The following DMD variants were observed in gnomAD, a reference collection of about 807,000 sequenced individuals.
DMD encodes the protein mutant dystrophin.
A neutral mutation model predicts 330.1 loss-of-function variants in DMD; 63 were observed. That is an observed-to-expected ratio of 0.19 (90% CI 0.16 to 0.24). The LOEUF (loss-of-function observed/expected upper bound fraction) is 0.24, where lower values mean the gene tolerates loss of function less well. Ranked by LOEUF, DMD falls within the 10% of genes least tolerant of loss-of-function variation. The pLI is 1.00. For missense variants in DMD, 3,344 were observed against 2,684.1 expected (o/e 1.25, Z -5.43); for synonymous variants, 1,223 against 959.8 (o/e 1.27, Z -5.07).
At chrX:31,284,364 C>G (rs759355443) in intron 62 of DMD, among the ~76,000 whole-genome samples, 5 of 111,051 alleles carry the variant, frequency 4.5e-5, no homozygotes, top group East Asian at 2.8e-4. Context: ...GACAAAGAAT[C>G]CTTGGTGATA....
chrX:33,325,538 G>T (rs991041058), intron 1 of DMD, among the ~76,000 whole-genome samples: 9 of 112,300 alleles, frequency 8.0e-5, no homozygotes, highest in Non-Finnish European at 1.3e-4. Flanking sequence ...GGCAGACTTT[G>T]CAGAGTACTA....
chrX:31,646,066 T>C (rs1396734526), intron 54 of DMD, among the ~76,000 whole-genome samples: 1 of 112,129 alleles, frequency 8.9e-6, no homozygotes, highest in Admixed American at 9.4e-5. Context: ...CACCAACCTG[T>C]TCCTGAATAC....
intron 4 of DMD, among the ~76,000 whole-genome samples, chrX:32,830,531 G>A (rs1000354066): frequency 1.8e-5 from 2 of 111,143 alleles, no homozygotes; most frequent in African/African-American, 3.3e-5. Context: ...TAAATAGTAG[G>A]GTCACTGTGG....
intron 55 of DMD, among the ~76,000 whole-genome samples, chrX:31,559,904 C>A (rs2075099884): frequency 9.0e-6 from 1 of 111,687 alleles, no homozygotes; most frequent in Non-Finnish European, 1.9e-5. Context: ...GTGTTCACAC[C>A]TAGCTTTTTC....
intron 2 of DMD, among the ~76,000 whole-genome samples, chrX:32,934,009 TG>T (rs1375146384): frequency 1.8e-5 from 2 of 111,510 alleles, no homozygotes; most frequent in Admixed American, 1.9e-4. Flanking sequence ...CCAATTTTGT[TG>T]CTACTAAAAT....
chrX:32,716,807 G>A (rs2065781986), intron 7 of DMD, among the ~76,000 whole-genome samples: 1 of 111,375 alleles, frequency 9.0e-6, no homozygotes, highest in Non-Finnish European at 1.9e-5. Flanking sequence ...CTGCAATAAA[G>A]GTCACTCTCG....
At chrX:32,300,008 C>A (rs1004553714) in intron 42 of DMD, among the ~76,000 whole-genome samples, 2 of 111,481 alleles carry the variant, frequency 1.8e-5, no homozygotes, top group Non-Finnish European at 3.8e-5. Context: ...TACTCTCTAA[C>A]TTGTTTGTAT....
rs2033688394 is a variant in DMD, at chrX:31,126,560, C to T, written c.11046+82G>A. The T allele has an allele frequency of 1.0e-5, 9 of 898,469 alleles. No individual in the cohort carries two copies. The South Asian group carries it at 1.2e-4, about 12-fold the overall frequency. The allele number at this position is 898,469 out of a possible 1,213,427, so 74.0% of individuals were successfully genotyped here. A position where few individuals can be genotyped will look rare whatever the true frequency, so the allele number is the denominator to read the frequency against. On this transcript the variant is annotated intron_variant, in intron 78 of 78. Transcript: ENST00000357033. ...TAATACACACATGCGCGTGCACACA[C>T]ACAATTCTTACACAAACGCCAAACA...
intron 7 of DMD, among the ~76,000 whole-genome samples, chrX:32,797,765 A>C (rs921880933): frequency 4.5e-5 from 5 of 111,293 alleles, no homozygotes; most frequent in African/African-American, 1.6e-4. Flanking sequence ...AAAATCACTT[A>C]ATGTCACTGT....
At chrX:31,468,226 C>A (rs1256780465) in intron 59 of DMD, among the ~76,000 whole-genome samples, 1 of 111,905 alleles carries the variant, frequency 8.9e-6, no homozygotes, top group East Asian at 2.8e-4. Flanking sequence ...TTTGTTTGCT[C>A]TTGCTTCTCT....
chrX:33,185,240 T>C (rs2050198744), intron 1 of DMD, among the ~76,000 whole-genome samples: 1 of 111,602 alleles, frequency 9.0e-6, no homozygotes, highest in African/African-American at 3.3e-5. Flanking sequence ...TACAAAAACG[T>C]TTTTAATATT....
At chrX:31,232,954 TTTC>T (rs2047362271) in intron 63 of DMD, among the ~76,000 whole-genome samples, 2 of 112,488 alleles carry the variant, frequency 1.8e-5, no homozygotes, top group African/African-American at 6.4e-5. Context: ...ACCTAAGCAC[TTTC>T]TTTTTTGCCA....
chrX:32,960,568 C>T (rs2091842675), intron 2 of DMD, among the ~76,000 whole-genome samples: 1 of 111,726 alleles, frequency 9.0e-6, no homozygotes, highest in Non-Finnish European at 1.9e-5. Flanking sequence ...CACCTTTCCA[C>T]TTTTTGTAAT....
intron 37 of DMD, among the ~76,000 whole-genome samples, chrX:32,350,597 C>T (rs2147088573): frequency 9.0e-6 from 1 of 111,526 alleles, no homozygotes; most frequent in Admixed American, 9.6e-5. Context: ...GGTCCTTACA[C>T]AAAACTAAGG....
intron 48 of DMD, among the ~76,000 whole-genome samples, chrX:31,861,649 T>A (rs1382044640): frequency 5.1e-5 from 5 of 98,763 alleles, no homozygotes; most frequent in African/African-American, 1.1e-4. Context: ...TGTGTGTGTG[T>A]GTGTGTGTGT....
intron 29 of DMD, among the ~76,000 whole-genome samples, chrX:32,424,246 T>C (rs1569562120): frequency 1.8e-5 from 2 of 110,222 alleles, no homozygotes; most frequent in Admixed American, 2.0e-4. Flanking sequence ...GCATTCAACC[T>C]AGGAGAAGTC....
At chrX:32,487,843 G>A (rs1268370984) in intron 20 of DMD, among the ~76,000 whole-genome samples, 1 of 111,768 alleles carries the variant, frequency 8.9e-6, no homozygotes, top group Non-Finnish European at 1.9e-5. Flanking sequence ...ACCAGTGCTA[G>A]AAAGTTGGTA....
chrX:31,222,200 A>C (rs1386186038), intron 64 of DMD, among the ~76,000 whole-genome samples: 11 of 106,847 alleles, frequency 1.0e-4, no homozygotes, highest in South Asian at 4.2e-4. Flanking sequence ...TGTCTCAAAA[A>C]AAAACAAAAC....
At chrX:32,393,257 G>A (rs774173417) in intron 30 of DMD, among the ~76,000 whole-genome samples, 5 of 110,828 alleles carry the variant, frequency 4.5e-5, no homozygotes, top group South Asian at 3.9e-4. Flanking sequence ...TACTGGATAC[G>A]CAAGGATATA....
Sources: allele counts gnomAD v4.1 joint callset (sites outside exome capture counted in the v4.1 genomes callset), GRCh38; gene constraint gnomAD v4.1.1; transcripts MANE v1.5; gene names NCBI Gene and HGNC (gene_info 2026-07-23, HGNC 2026-07-21).